Variants in CDH4 observed in about 807,000 individuals in gnomAD.
The protein encoded by CDH4 is cadherin 4, also known as cadherin-4.
A neutral mutation model predicts 86.0 loss-of-function variants in CDH4; 33 were observed. The ratio of observed to expected loss-of-function variants is 0.38; its 90% confidence interval spans 0.29 to 0.51. The LOEUF is 0.51. Ranked by LOEUF, CDH4 falls within the 20% of genes least tolerant of loss-of-function variation. The pLI is 0.86. For synonymous variants in CDH4, 555 were observed against 549.4 expected (o/e 1.01, Z -0.14); for missense variants, 1,114 against 1,307.4 (o/e 0.85, Z 2.28).
intron 2 of CDH4, chr20:61,499,577 C>A: frequency 8.3e-7 from 1 of 1,209,408 alleles, no homozygotes. Flanking sequence ...CAGACAGTGT[C>A]CCTGAGGTCA....
At chr20:61,622,955 G>T (rs2086791361) in intron 2 of CDH4, among the ~76,000 whole-genome samples, 1 of 152,208 alleles carries the variant, frequency 6.6e-6, no homozygotes, top group Admixed American at 6.5e-5. Context: ...GGCCCAGGAG[G>T]CCTGGAGCCC....
intron 2 of CDH4, among the ~76,000 whole-genome samples, chr20:61,348,034 GT>G (rs1325847898): frequency 2.0e-5 from 3 of 152,218 alleles, no homozygotes; most frequent in African/African-American, 7.2e-5. Context: ...CTGTAACATG[GT>G]GACTTCCCAC....
chr20:61,583,771 T>C (rs372693128), intron 2 of CDH4, among the ~76,000 whole-genome samples: 12 of 152,254 alleles, frequency 7.9e-5, no homozygotes, highest in East Asian at 7.7e-4. Flanking sequence ...TGCCCACATG[T>C]GTCTGCACCT....
At chr20:61,353,659 TTCCTCCTCTTCCCCCTCCTCCTCCCCC>T (rs2084727888) in intron 2 of CDH4, among the ~76,000 whole-genome samples, 1 of 6,282 alleles carries the variant, frequency 1.6e-4, no homozygotes, top group African/African-American at 8.3e-4. Context: ...CCTCCTCTTC[TTCCTCCTCTTCCCCCTCCTCCTCCCCC>T]TCCTCCTCCC....
chr20:61,725,289 A>G (rs889621523), intron 2 of CDH4, among the ~76,000 whole-genome samples: 39 of 151,818 alleles, frequency 2.6e-4, no homozygotes, highest in African/African-American at 9.2e-4. Flanking sequence ...CCCCGCACAC[A>G]CCTCCCCGAG....
intron 2 of CDH4, chr20:61,599,971 T>C: frequency 1.0e-6 from 1 of 985,280 alleles, no homozygotes; most frequent in South Asian, 4.7e-5. Context: ...AAGCTGCTGC[T>C]GCTGAGCTGA....
intron 2 of CDH4, among the ~76,000 whole-genome samples, chr20:61,464,456 G>A (rs935194858): frequency 5.9e-5 from 9 of 152,260 alleles, no homozygotes; most frequent in African/African-American, 1.7e-4. Flanking sequence ...TCCAATGCCC[G>A]GCTATAGACC....
At chr20:61,713,518 GC>G (rs1386512152) in intron 2 of CDH4, among the ~76,000 whole-genome samples, 1 of 152,248 alleles carries the variant, frequency 6.6e-6, no homozygotes, top group Non-Finnish European at 1.5e-5. Context: ...TCTCTGGGAT[GC>G]TGAGCTCCCC....
chr20:61,495,035 G>C (rs1436691306), intron 2 of CDH4, among the ~76,000 whole-genome samples: 1 of 152,268 alleles, frequency 6.6e-6, no homozygotes. Flanking sequence ...AACAGGGGCT[G>C]AGTTCAAGGT....
intron 2 of CDH4, among the ~76,000 whole-genome samples, chr20:61,457,803 G>A (rs932256097): frequency 6.6e-6 from 1 of 151,716 alleles, no homozygotes; most frequent in Non-Finnish European, 1.5e-5. Flanking sequence ...GCTGATGCTG[G>A]TGGTGGCGGT....
chr20:61,337,335 T>C (rs979967463), intron 2 of CDH4, among the ~76,000 whole-genome samples: 28 of 236 alleles, frequency 0.12, no homozygotes, highest in Non-Finnish European at 0.18. Flanking sequence ...GTGATGATAA[T>C]GATGGTGATG....
intron 7 of CDH4, among the ~76,000 whole-genome samples, chr20:61,880,296 G>A (rs1258753577): frequency 6.6e-6 from 1 of 152,188 alleles, no homozygotes; most frequent in Non-Finnish European, 1.5e-5. Flanking sequence ...GGGCAGGCGG[G>A]GTTCAGCGTT....
At chr20:61,315,010 G>A (rs1165244196) in intron 2 of CDH4, among the ~76,000 whole-genome samples, 2 of 152,126 alleles carry the variant, frequency 1.3e-5, no homozygotes, top group East Asian at 3.9e-4. Flanking sequence ...CATTCCTTAT[G>A]TATTTTGGCT....
chr20:61,712,795 C>A (rs1041098279), intron 2 of CDH4, among the ~76,000 whole-genome samples: 4 of 152,182 alleles, frequency 2.6e-5, no homozygotes, highest in Admixed American at 2.0e-4. Context: ...TCATGCTGGG[C>A]CCTGGTTCAG....
At chr20:61,666,619 G>A (rs1015756295) in intron 2 of CDH4, among the ~76,000 whole-genome samples, 11 of 152,232 alleles carry the variant, frequency 7.2e-5, no homozygotes, top group Admixed American at 5.9e-4. Flanking sequence ...CCGCAGAACT[G>A]TTGCTTCCGG....
At chr20:61,725,735 A>AG (rs1156614913) in intron 2 of CDH4, among the ~76,000 whole-genome samples, 1 of 141,208 alleles carries the variant, frequency 7.1e-6, no homozygotes, top group Non-Finnish European at 1.6e-5. Context: ...GAGAGACACA[A>AG]GGGGGGAGGA....
intron 2 of CDH4, among the ~76,000 whole-genome samples, chr20:61,635,492 G>A (rs1025171432): frequency 2.0e-5 from 3 of 152,218 alleles, no homozygotes; most frequent in Admixed American, 6.5e-5. Flanking sequence ...CGTTTTGAAG[G>A]CAGACCTTCA....
intron 2 of CDH4, among the ~76,000 whole-genome samples, chr20:61,437,718 A>T (rs1354295315): frequency 6.6e-6 from 1 of 152,028 alleles, no homozygotes; most frequent in Non-Finnish European, 1.5e-5. Flanking sequence ...GGTCCATTGT[A>T]CTCCACTTAA....
chr20:61,389,882 G>A (rs2084972102), intron 2 of CDH4, among the ~76,000 whole-genome samples: 1 of 151,884 alleles, frequency 6.6e-6, no homozygotes, highest in African/African-American at 2.4e-5. Context: ...CCCCGATTGA[G>A]ATCGTGCGGT....
Sources: allele counts gnomAD v4.1 joint callset (sites outside exome capture counted in the v4.1 genomes callset), GRCh38; gene constraint gnomAD v4.1.1; transcripts MANE v1.5; gene names NCBI Gene and HGNC (gene_info 2026-07-23, HGNC 2026-07-21).